ADGRV1: variants seen among roughly 807,000 people sequenced by gnomAD.
ADGRV1 encodes adhesion G protein-coupled receptor V1.
Under a neutral mutation model 596.2 loss-of-function variants are expected in ADGRV1, and 359 were observed. The observed-to-expected ratio is 0.60, with a 90% CI of 0.55 to 0.66. The LOEUF (loss-of-function observed/expected upper bound fraction) is 0.66. ADGRV1 is among the 30% of genes least tolerant of loss of function. The pLI is 0.00. For missense variants in ADGRV1, 7,274 were observed against 7,575.6 expected (o/e 0.96, Z 1.48); for synonymous variants, 2,681 against 2,679.2 (o/e 1.00, Z -0.02).
At chr5:90,738,334 A>C (rs1417783935) in intron 50 of ADGRV1, among the ~76,000 whole-genome samples, 1 of 152,106 alleles carries the variant, frequency 6.6e-6, no homozygotes, top group Non-Finnish European at 1.5e-5. Flanking sequence ...TGAGAGATAA[A>C]TTTGCTTTAT....
chr5:90,956,367 A>G (rs114879384), intron 83 of ADGRV1, among the ~76,000 whole-genome samples: 24 of 152,310 alleles, frequency 1.6e-4, no homozygotes, highest in African/African-American at 5.8e-4. Flanking sequence ...AATAATGACA[A>G]CAACAAAATT....
intron 86 of ADGRV1, among the ~76,000 whole-genome samples, chr5:91,073,919 A>G (rs1788612755): frequency 6.6e-6 from 1 of 152,174 alleles, no homozygotes; most frequent in African/African-American, 2.4e-5. Context: ...GCTGGTCTTG[A>G]ACTCCTGAGC....
intron 89 of ADGRV1, among the ~76,000 whole-genome samples, chr5:91,160,913 T>G (rs1796889312): frequency 6.6e-6 from 1 of 152,076 alleles, no homozygotes; most frequent in South Asian, 2.1e-4. Flanking sequence ...TCAAGACGAG[T>G]CTAGAACTTG....
At position 91,122,181 on chromosome 5, in the gene ADGRV1, T is replaced by C. The variant is rs192639564; in HGVS notation, c.18432+19841T>C. Among the ~76,000 whole-genome samples the C allele has an allele frequency of 3.0e-3, 460 of 152,358 alleles. 2 individuals carry two copies. The highest frequency in any genetic ancestry group is 3.4e-3 in the Non-Finnish European group (233 of 68,034). On this transcript the variant is annotated intron_variant, in intron 87 of 89. Coordinates refer to ENST00000405460, the MANE Select transcript of ADGRV1 (RefSeq NM_032119.4). Reference sequence around the variant, plus strand: ...AAAACTAATTCAACAGCAAAAGTTGTTTATAAATACTCTATATGTTGCTTA... The same window carrying C: ...AAAACTAATTCAACAGCAAAAGTTGCTTATAAATACTCTATATGTTGCTTA...
At chr5:90,949,555 G>T (rs1485810805) in intron 83 of ADGRV1, among the ~76,000 whole-genome samples, 1 of 152,158 alleles carries the variant, frequency 6.6e-6, no homozygotes, top group East Asian at 1.9e-4. Flanking sequence ...GATGTTAGAG[G>T]TAATAAATGG....
intron 89 of ADGRV1, 118 bp downstream of exon 89, chr5:91,153,516 C>A: frequency 1.8e-6 from 1 of 564,008 alleles, no homozygotes; most frequent in Non-Finnish European, 2.8e-6. Context: ...TCCTGATTCT[C>A]ATGACCCATT....
At chr5:90,723,896 ATTAG>A (rs554010629) in intron 45 of ADGRV1, among the ~76,000 whole-genome samples, 55 of 151,824 alleles carry the variant, frequency 3.6e-4, no homozygotes, top group Non-Finnish European at 6.6e-4. Context: ...TTTACTCCTC[ATTAG>A]TTAGGGGATT....
At chr5:90,603,839 C>T (rs1027511184) in intron 1 of ADGRV1, among the ~76,000 whole-genome samples, 12 of 149,118 alleles carry the variant, frequency 8.0e-5, no homozygotes, top group Non-Finnish European at 3.0e-5. Context: ...AGTCCTGGGA[C>T]ACTGCATGGA....
intron 1 of ADGRV1, among the ~76,000 whole-genome samples, chr5:90,559,331 T>C (rs946451372): frequency 1.3e-5 from 2 of 152,116 alleles, no homozygotes; most frequent in African/African-American, 4.8e-5. Flanking sequence ...TAGGTAATAA[T>C]TGATAATGGG....
At chr5:91,128,073 A>G (rs973006821) in intron 87 of ADGRV1, among the ~76,000 whole-genome samples, 1 of 151,746 alleles carries the variant, frequency 6.6e-6, no homozygotes, top group Non-Finnish European at 1.5e-5. Context: ...TCTGCTTGCA[A>G]CCTGTCTCCC....
At chr5:91,061,987 A>G (rs1787476542) in intron 85 of ADGRV1, among the ~76,000 whole-genome samples, 1 of 152,184 alleles carries the variant, frequency 6.6e-6, no homozygotes. Flanking sequence ...GGGTGGGAGT[A>G]TAGCAGTATA....
At chr5:91,076,387 T>G (rs1206800051) in intron 86 of ADGRV1, among the ~76,000 whole-genome samples, 1 of 152,160 alleles carries the variant, frequency 6.6e-6, no homozygotes, top group Admixed American at 6.6e-5. Flanking sequence ...GTGGATTTCC[T>G]TAATAAATTA....
chr5:90,823,572 C>A lies in ADGRV1; in HGVS notation c.16344C>A (p.Ile5448=). The A allele has an allele frequency of 6.2e-7, 1 of 1,613,792 alleles. No homozygotes were observed. Among genetic ancestry groups the A allele is most frequent in the Non-Finnish European group, 8.5e-7 (1 of 1,179,754 alleles). ...CAATGGGTCAAACAAAATGCTTTATCAGCATTGAACTCAAACCAGAAAAGG... is the reference window on the plus strand; with the variant it reads ...CAATGGGTCAAACAAAATGCTTTATAAGCATTGAACTCAAACCAGAAAAGG... ...TCTMGQTKCF[I]SIELKPEKVP... Residue 5448 remains isoleucine (I), a synonymous_variant, in exon 76 of 90, where the codon ATC becomes ATA. Coordinates refer to ENST00000405460, the MANE Select transcript of ADGRV1 (RefSeq NM_032119.4).
chr5:90,682,183 A>G (rs764677436), intron 27 of ADGRV1, among the ~76,000 whole-genome samples: 2 of 152,284 alleles, frequency 1.3e-5, no homozygotes, highest in Non-Finnish European at 2.9e-5. Context: ...AACTTAAGTT[A>G]GCAAGGGGCT....
intron 89 of ADGRV1, among the ~76,000 whole-genome samples, chr5:91,163,007 C>A (rs932910664): frequency 1.2e-4 from 18 of 151,960 alleles, no homozygotes; most frequent in African/African-American, 3.9e-4. Flanking sequence ...TTTATGTGTT[C>A]CTCTGAACGT....
At chr5:91,133,187 AT>A (rs1287247831) in intron 87 of ADGRV1, among the ~76,000 whole-genome samples, 2 of 152,188 alleles carry the variant, frequency 1.3e-5, no homozygotes, top group Non-Finnish European at 2.9e-5. Context: ...TTAAATGATT[AT>A]TGTGTTTTCA....
intron 68 of ADGRV1, 52 bp downstream of exon 68, chr5:90,788,362 G>A (rs1010308070): frequency 1.6e-4 from 245 of 1,488,388 alleles, no homozygotes; most frequent in Non-Finnish European, 2.2e-4. Flanking sequence ...GGATTTATCA[G>A]AAAATACATT....
chr5:90,934,577 C>A (rs1359561874), intron 83 of ADGRV1, among the ~76,000 whole-genome samples: 1 of 152,112 alleles, frequency 6.6e-6, no homozygotes, highest in Non-Finnish European at 1.5e-5. Context: ...TGAACCTTGT[C>A]CATGGGTATC....
intron 85 of ADGRV1, among the ~76,000 whole-genome samples, chr5:91,028,033 C>CTTTTT (rs1412113333): frequency 2.3e-5 from 2 of 87,652 alleles, no homozygotes; most frequent in Non-Finnish European, 5.8e-5. Flanking sequence ...CTTTTTTTTT[C>CTTTTT]TTTCTTTTTT....
Sources: allele counts gnomAD v4.1 joint callset (sites outside exome capture counted in the v4.1 genomes callset), GRCh38; gene constraint gnomAD v4.1.1; transcripts MANE v1.5; gene names NCBI Gene and HGNC (gene_info 2026-07-23, HGNC 2026-07-21).